TMEM266: variants seen among roughly 807,000 people sequenced by gnomAD.
TMEM266 encodes the protein Hv1 related protein 1.
TMEM266 carries 33 observed loss-of-function variants against 50.5 expected under a neutral mutation model. The ratio of observed to expected loss-of-function variants is 0.65; its 90% CI spans 0.50 to 0.87. The LOEUF is 0.87. TMEM266 is among the 40% of genes least tolerant of loss of function. TMEM266 has a pLI of 0.00. For missense variants in TMEM266, 655 were observed against 695.1 expected, an observed-to-expected ratio of 0.94 and a Z score of 0.65; for synonymous variants, 310 against 292.3, an observed-to-expected ratio of 1.06 and a Z score of -0.62.
At chr15:76,175,492 G>A in intron 7 of TMEM266, 67 bp from the exon 8 acceptor site, 1 of 1,275,678 alleles carries the variant, frequency 7.8e-7, no homozygotes, top group Non-Finnish European at 1.1e-6. Context: ...TGAATGCTGG[G>A]CCCGCCCTTC....
intron 8 of TMEM266, among the ~76,000 whole-genome samples, chr15:76,184,014 G>T (rs2038458682): frequency 6.6e-6 from 1 of 152,196 alleles, no homozygotes; most frequent in South Asian, 2.1e-4. Context: ...CTGAGAGAAT[G>T]CCAACGGCTC....
chr15:76,096,240 G>T (rs2036918809), intron 1 of TMEM266, among the ~76,000 whole-genome samples: 1 of 151,836 alleles, frequency 6.6e-6, no homozygotes. Context: ...TTCTCTTGTG[G>T]GCATTTAGTG....
At position 76,160,911 on chromosome 15, in the gene TMEM266, G is replaced by A. The variant is rs1294656505; in HGVS notation, c.456+743G>A. On this transcript the variant is annotated intron_variant, in intron 5 of 10. Coordinates refer to ENST00000388942, the MANE Select transcript of TMEM266 (RefSeq NM_152335.3). The surrounding 1 kb of genome is among the most constrained non-coding windows in gnomAD (Gnocchi z 5.7). ...CAGCACATTCCTCTGTTTTTTCATG[G>A]CGGTGAGTGACACTTCCTTTGAGCA... 1.3e-5 allele frequency among the ~76,000 whole-genome samples: 2 copies of A among 152,138 alleles called. No individual in the cohort carries two copies. The highest frequency in any genetic ancestry group is 2.9e-5 in the Non-Finnish European group (2 of 68,012).
At chr15:76,115,219 C>T (rs1378099937) in intron 1 of TMEM266, among the ~76,000 whole-genome samples, 8 of 152,156 alleles carry the variant, frequency 5.3e-5, no homozygotes, top group Non-Finnish European at 1.0e-4. Flanking sequence ...CTGCTAATTG[C>T]CTAGGATCTA....
chr15:76,082,664 G>T (rs1399852711), intron 1 of TMEM266, among the ~76,000 whole-genome samples: 1 of 152,060 alleles, frequency 6.6e-6, no homozygotes, highest in Non-Finnish European at 1.5e-5. Flanking sequence ...GAGCCGCCAG[G>T]CTCTTTAAAC....
At chr15:76,144,289 C>A (rs545282899) in intron 3 of TMEM266, among the ~76,000 whole-genome samples, 1 of 152,246 alleles carries the variant, frequency 6.6e-6, no homozygotes, top group East Asian at 1.9e-4. Flanking sequence ...CAACAAGTAC[C>A]AGTGGGTTCC....
chr15:76,188,660 T>A (rs1282330125), intron 8 of TMEM266, among the ~76,000 whole-genome samples: 4 of 152,172 alleles, frequency 2.6e-5, no homozygotes, highest in Non-Finnish European at 2.9e-5. Flanking sequence ...TCACTCACTA[T>A]CATGAGAAAG....
chr15:76,105,457 G>A (rs574012980), intron 1 of TMEM266, among the ~76,000 whole-genome samples: 2 of 152,304 alleles, frequency 1.3e-5, no homozygotes, highest in African/African-American at 4.8e-5. Context: ...TGACATGTCT[G>A]TTACTCTAAG....
intron 1 of TMEM266, among the ~76,000 whole-genome samples, chr15:76,132,466 G>C (rs1042698287): frequency 3.3e-5 from 5 of 152,070 alleles, no homozygotes; most frequent in African/African-American, 1.2e-4. Flanking sequence ...AATATACTCA[G>C]GTTCAACAGA....
intron 1 of TMEM266, among the ~76,000 whole-genome samples, chr15:76,091,970 A>G (rs1367773447): frequency 6.6e-6 from 1 of 152,024 alleles, no homozygotes; most frequent in African/African-American, 2.4e-5. Flanking sequence ...CAGCCTGGCA[A>G]CAGAGCAAGA....
intron 1 of TMEM266, among the ~76,000 whole-genome samples, chr15:76,128,513 C>A (rs551789578): frequency 6.6e-6 from 1 of 152,172 alleles, no homozygotes; most frequent in African/African-American, 2.4e-5. Context: ...GTTTTATCTT[C>A]CACTTTTACC....
intron 1 of TMEM266, among the ~76,000 whole-genome samples, chr15:76,123,713 C>CTTTTTTT (rs573502236): frequency 6.8e-6 from 1 of 147,444 alleles, no homozygotes; most frequent in African/African-American, 2.5e-5. Context: ...AGGGATGAAT[C>CTTTTTTT]TTTTTTTTTT....
intron 1 of TMEM266, among the ~76,000 whole-genome samples, chr15:76,117,717 A>C (rs1327787527): frequency 1.3e-5 from 2 of 152,198 alleles, no homozygotes; most frequent in Admixed American, 6.5e-5. Flanking sequence ...GAGAGGAGAC[A>C]AGCTGGGAAT....
intron 5 of TMEM266, among the ~76,000 whole-genome samples, chr15:76,164,613 G>A (rs561045493): frequency 1.3e-5 from 2 of 152,298 alleles, no homozygotes; most frequent in East Asian, 1.9e-4. Context: ...TGGAATCCAC[G>A]TCTTCCTCTT....
chr15:76,177,801 C>T (rs28703763), intron 8 of TMEM266, among the ~76,000 whole-genome samples: 3,647 of 152,338 alleles, frequency 0.024, 126 homozygotes, highest in African/African-American at 0.083. Flanking sequence ...ATGTGGATGC[C>T]GCCTAGGACA....
chr15:76,063,343 T>TC (rs1217681726), intron 1 of TMEM266, among the ~76,000 whole-genome samples: 1 of 152,182 alleles, frequency 6.6e-6, no homozygotes, highest in Admixed American at 6.5e-5. Context: ...AACTCTGGGC[T>TC]CATTGCCTTT....
intron 1 of TMEM266, among the ~76,000 whole-genome samples, chr15:76,083,663 G>C (rs933762280): frequency 6.6e-6 from 1 of 152,046 alleles, no homozygotes; most frequent in African/African-American, 2.4e-5. Flanking sequence ...CCTTTCTTCA[G>C]AACAATTAAC....
At chr15:76,173,010 G>GT (rs1370513799) in intron 7 of TMEM266, among the ~76,000 whole-genome samples, 2 of 152,128 alleles carry the variant, frequency 1.3e-5, no homozygotes, top group Admixed American at 1.3e-4. Flanking sequence ...AGGCATCACG[G>GT]AGCTACCGGG....
chr15:76,170,752 C>T (rs566745529), intron 6 of TMEM266, among the ~76,000 whole-genome samples: 1 of 152,198 alleles, frequency 6.6e-6, no homozygotes, highest in Admixed American at 6.5e-5. Flanking sequence ...GCCATCTGAA[C>T]TAAGGGCTGG....
Sources: allele counts gnomAD v4.1 joint callset (sites outside exome capture counted in the v4.1 genomes callset), GRCh38; gene constraint gnomAD v4.1.1; non-coding constraint Gnocchi (gnomAD v3.1); transcripts MANE v1.5; gene names NCBI Gene and HGNC (gene_info 2026-07-23, HGNC 2026-07-21).